MOCOS: variants seen among roughly 807,000 people sequenced by gnomAD.
The protein encoded by MOCOS is human molybdenum cofactor sulfurase.
MOCOS carries 86 observed loss-of-function variants against 83.6 expected under a neutral mutation model. That is an observed-to-expected ratio of 1.03 (90% CI 0.86 to 1.23). The LOEUF (loss-of-function observed/expected upper bound fraction) is 1.23, where lower values mean the gene tolerates loss of function less well. MOCOS is among the 50% of genes most tolerant of loss of function. The pLI is 0.00. For missense variants in MOCOS, 1,120 were observed against 1,126.9 expected (o/e 0.99, Z 0.09); for synonymous variants, 445 against 434.7 (o/e 1.02, Z -0.29).
Position 36,199,931 on chromosome 18 carries a change from G to A in MOCOS, c.548G>A (p.Arg183His), listed in dbSNP as rs770561022. ...RPEDLWSAEE[R>H]SASASNPDCQ... ...GAGGACCTGTGGTCTGCAGAGGAAC[G>A]TAGTGCTTCAGCCAGCAACCCAGAC... The change falls in exon 4 of 15, where the codon CGT becomes CAT. Residue 183 changes from arginine (R) to histidine (H), a missense_variant. By Grantham distance (29) the Arg-to-His change is conservative. Coordinates refer to ENST00000261326, the MANE Select transcript of MOCOS (RefSeq NM_017947.4). 31 of 1,614,078 alleles carry A rather than the reference G, an allele frequency of 1.9e-5. No individual in the cohort carries two copies. The highest frequency in any genetic ancestry group is 5.5e-5 in the South Asian group (5 of 91,092).
chr18:36,216,658 G>T (rs1407129550), intron 8 of MOCOS, among the ~76,000 whole-genome samples: 2 of 152,120 alleles, frequency 1.3e-5, no homozygotes. Flanking sequence ...AATTGATTTA[G>T]GCAATAGTCA....
intron 4 of MOCOS, 41 bp downstream of exon 4, chr18:36,200,365 G>C: frequency 6.2e-7 from 1 of 1,611,096 alleles, no homozygotes; most frequent in South Asian, 1.1e-5. Context: ...AGTTCAGCAA[G>C]GTGGGGTCTG....
At chr18:36,218,954 C>T (rs187883305) in intron 8 of MOCOS, among the ~76,000 whole-genome samples, 37 of 150,922 alleles carry the variant, frequency 2.5e-4, no homozygotes, top group Non-Finnish European at 4.6e-4. Context: ...CTGCAAGCTC[C>T]GCCTCCTGGG....
At chr18:36,241,498 C>T (rs1174034832) in intron 9 of MOCOS, among the ~76,000 whole-genome samples, 3 of 152,204 alleles carry the variant, frequency 2.0e-5, no homozygotes, top group African/African-American at 7.2e-5. Flanking sequence ...CCTTGGGCAG[C>T]TTCTTCATGG....
chr18:36,250,413 C>T (rs375706320), intron 10 of MOCOS, among the ~76,000 whole-genome samples: 1 of 152,284 alleles, frequency 6.6e-6, no homozygotes, highest in Admixed American at 6.5e-5. Flanking sequence ...CGTTAGTGCT[C>T]TGGGTGATAG....
intron 9 of MOCOS, among the ~76,000 whole-genome samples, chr18:36,240,709 A>G (rs1387902396): frequency 6.6e-6 from 1 of 152,178 alleles, no homozygotes; most frequent in Non-Finnish European, 1.5e-5. Context: ...CAAGCTGGGC[A>G]ATGGTGGGCG....
intron 14 of MOCOS, 107 bp from the exon 15 acceptor site, chr18:36,268,426 T>A (rs1178696385): frequency 1.7e-5 from 24 of 1,384,986 alleles, no homozygotes; most frequent in East Asian, 2.4e-5. Flanking sequence ...TCAGTATATG[T>A]CTTTAAAAAT....
intron 6 of MOCOS, among the ~76,000 whole-genome samples, chr18:36,209,315 AC>A (rs1169899120): frequency 1.2e-4 from 18 of 152,014 alleles, no homozygotes; most frequent in Non-Finnish European, 4.4e-5. Context: ...AGTAGCTGGG[AC>A]TACAGGAACA....
chr18:36,235,828 T>C (rs1363572001), intron 9 of MOCOS, among the ~76,000 whole-genome samples: 1 of 146,624 alleles, frequency 6.8e-6, no homozygotes, highest in Non-Finnish European at 1.5e-5. Flanking sequence ...CCATTCTAAC[T>C]GGTGTGAGGT....
intron 9 of MOCOS, among the ~76,000 whole-genome samples, chr18:36,236,143 C>G (rs865841131): frequency 0.022 from 2,635 of 119,844 alleles, 76 homozygotes; most frequent in African/African-American, 0.074. Flanking sequence ...TAATTAGATC[C>G]CATTTGTCAA....
At chr18:36,224,026 C>CT (rs900870174) in intron 9 of MOCOS, among the ~76,000 whole-genome samples, 6 of 151,788 alleles carry the variant, frequency 4.0e-5, no homozygotes, top group Admixed American at 2.0e-4. Flanking sequence ...GTATTGTACT[C>CT]TTTTTTTTGT....
In MOCOS at chr18:36,260,180, G is replaced by T. The variant is rs1462309469; in HGVS notation, c.2409+5G>T. The T allele has an allele frequency of 1.2e-6, 2 of 1,614,136 alleles. No individual in the cohort carries two copies. The highest frequency in any genetic ancestry group is 1.7e-6 in the Non-Finnish European group (2 of 1,179,988). ...ATTGGCTCTTTGCGTTTCCAGGTAA[G>T]TTTGGGGAAGTTCTATTATCCTTCC... is the stretch of plus-strand genomic sequence containing the variant. On this transcript the variant is annotated splice_donor_5th_base_variant and intron_variant, in intron 13 of 14. Coordinates refer to ENST00000261326, the MANE Select transcript of MOCOS (RefSeq NM_017947.4).
intron 13 of MOCOS, among the ~76,000 whole-genome samples, chr18:36,260,965 CT>C (rs746875994): frequency 6.6e-6 from 1 of 151,886 alleles, no homozygotes; most frequent in Non-Finnish European, 1.5e-5. Flanking sequence ...AAGGATGCCC[CT>C]GACCTGCCGC....
At chr18:36,222,793 G>A (rs1398970118) in intron 9 of MOCOS, among the ~76,000 whole-genome samples, 1 of 151,970 alleles carries the variant, frequency 6.6e-6, no homozygotes, top group African/African-American at 2.4e-5. Flanking sequence ...GTAGAGACGG[G>A]GTTTCACCGT....
chr18:36,240,167 G>A (rs369587710), intron 9 of MOCOS, among the ~76,000 whole-genome samples: 19 of 138,976 alleles, frequency 1.4e-4, no homozygotes, highest in East Asian at 6.1e-4. Flanking sequence ...GCTTTGTTCC[G>A]TTGCTGGTGA....
At chr18:36,195,460 A>G (rs1252014816) in intron 2 of MOCOS, 114 bp downstream of exon 2, 1 of 1,000,012 alleles carries the variant, frequency 1.0e-6, no homozygotes, top group Non-Finnish European at 1.5e-6. Context: ...AAAGCTGAAT[A>G]AGCCCCATGT....
intron 13 of MOCOS, among the ~76,000 whole-genome samples, chr18:36,261,978 A>G (rs983244356): frequency 1.3e-5 from 2 of 152,188 alleles, no homozygotes; most frequent in African/African-American, 4.8e-5. Flanking sequence ...TTACCTGGCA[A>G]CAGTAGCACC....
At chr18:36,208,329 A>G in intron 6 of MOCOS, among the ~76,000 whole-genome samples, 1 of 151,964 alleles carries the variant, frequency 6.6e-6, no homozygotes, top group Non-Finnish European at 1.5e-5. Context: ...TTCTAATTCC[A>G]TGAGAAATGA....
At chr18:36,246,393 C>T (rs1402785100) in intron 9 of MOCOS, among the ~76,000 whole-genome samples, 1 of 151,936 alleles carries the variant, frequency 6.6e-6, no homozygotes, top group East Asian at 1.9e-4. Context: ...TTGTTATTGC[C>T]TTTCTGGTTC....
Sources: allele counts gnomAD v4.1 joint callset (sites outside exome capture counted in the v4.1 genomes callset), GRCh38; gene constraint gnomAD v4.1.1; transcripts MANE v1.5; gene names NCBI Gene and HGNC (gene_info 2026-07-23, HGNC 2026-07-21).